ANAPC1: variants seen among roughly 807,000 people sequenced by gnomAD.
The protein encoded by ANAPC1 is anaphase-promoting complex subunit 1.
Under a neutral mutation model 208.0 loss-of-function variants are expected in ANAPC1, and 36 were observed. The ratio of observed to expected loss-of-function variants is 0.17; its 90% CI spans 0.13 to 0.23. ANAPC1 has a LOEUF of 0.23. Ranked by LOEUF, ANAPC1 falls within the 10% of genes least tolerant of loss-of-function variation. ANAPC1 has a pLI of 1.00. For missense variants in ANAPC1, 942 were observed against 2,011.6 expected (o/e 0.47, Z 10.17); for synonymous variants, 378 against 695.2 (o/e 0.54, Z 7.18).
chr2:111,881,096 G>T (rs1165174877), intron 1 of ANAPC1, among the ~76,000 whole-genome samples: 2 of 150,814 alleles, frequency 1.3e-5, no homozygotes, highest in Non-Finnish European at 2.9e-5. Flanking sequence ...AAGTACTTAT[G>T]TCCCGCACCA....
intron 44 of ANAPC1, chr2:111,779,832 A>C (rs1192763408): frequency 8.6e-6 from 2 of 233,432 alleles, no homozygotes; most frequent in African/African-American, 4.7e-5. Context: ...AACAGAAAAA[A>C]CCGACCCTGT....
chr2:111,784,247 A>T (rs1021786835), intron 41 of ANAPC1, 76 bp downstream of exon 41: 117 of 1,613,150 alleles, frequency 7.3e-5, no homozygotes, highest in Non-Finnish European at 9.8e-5. Context: ...TGAGGCTTTT[A>T]TTTAGCTATC....
intron 34 of ANAPC1, among the ~76,000 whole-genome samples, chr2:111,796,633 T>C (rs1452476547): frequency 3.4e-5 from 5 of 148,496 alleles, no homozygotes; most frequent in Non-Finnish European, 5.9e-5. Context: ...ACCCTGTATG[T>C]AAAGCTTTTT....
chr2:111,797,649 T>C (rs1187549698), intron 34 of ANAPC1, among the ~76,000 whole-genome samples: 30 of 152,114 alleles, frequency 2.0e-4, no homozygotes, highest in Admixed American at 2.0e-3. Flanking sequence ...GTATAAACCC[T>C]AGACAAAATA....
intron 42 of ANAPC1, 37 bp from the exon 43 acceptor site, chr2:111,782,544 C>T (rs1677342294): frequency 1.9e-6 from 3 of 1,612,258 alleles, no homozygotes; most frequent in African/African-American, 1.3e-5. Context: ...TAAGGTATTA[C>T]TGGCAGTTCT....
chr2:111,883,707 C>G (rs1683451851), intron 1 of ANAPC1, among the ~76,000 whole-genome samples: 1 of 152,154 alleles, frequency 6.6e-6, no homozygotes, highest in South Asian at 2.1e-4. Flanking sequence ...TGGGATGCTA[C>G]GCACAGCTCA....
At chr2:111,878,539 GC>G (rs1182868306) in intron 3 of ANAPC1, among the ~76,000 whole-genome samples, 1 of 151,904 alleles carries the variant, frequency 6.6e-6, no homozygotes, top group African/African-American at 2.4e-5. Flanking sequence ...GTTTTTGCTG[GC>G]AATAACAAAT....
intron 29 of ANAPC1, among the ~76,000 whole-genome samples, chr2:111,807,784 T>G (rs1161574967): frequency 6.6e-6 from 1 of 151,214 alleles, no homozygotes; most frequent in Non-Finnish European, 1.5e-5. Context: ...ATATACAGTG[T>G]GAAAGAGGTA....
rs568467803 is a variant in ANAPC1 at position 111,859,205 on chromosome 2, G to A, written c.1263-804C>T. Among the ~76,000 whole-genome samples, 6 of 152,190 alleles carry A rather than the reference G, an allele frequency of 3.9e-5. No individual in the cohort carries two copies. The East Asian group carries it at 9.7e-4, about 24-fold the overall frequency. On this transcript the variant is annotated intron_variant, in intron 10 of 47. Transcript: ENST00000341068. Reference sequence around the variant, plus strand: ...TCCTTCTAAAGTGCTACAGAAGGCCGGGTGTGGTGGCTCACGCCTGTAATC... The same window carrying A: ...TCCTTCTAAAGTGCTACAGAAGGCCAGGTGTGGTGGCTCACGCCTGTAATC...
At position 111,864,787 on chromosome 2, in the gene ANAPC1, G is replaced by C; in HGVS notation, c.831+19C>G. On this transcript the variant is annotated intron_variant, in intron 8 of 47. Transcript: ENST00000341068. ...CTACCCTTTCCTATTAAGGAGAAGT[G>C]ACTTGCCTTTCTCCTTACCTCTGAT... 2 of 1,610,210 alleles carry C rather than the reference G, an allele frequency of 1.2e-6. No homozygotes were observed. Among genetic ancestry groups the C allele is most frequent in the Non-Finnish European group, 1.7e-6 (2 of 1,178,970 alleles).
intron 27 of ANAPC1, among the ~76,000 whole-genome samples, chr2:111,818,529 CTT>C (rs1230689007): frequency 1.3e-5 from 2 of 150,912 alleles, no homozygotes; most frequent in African/African-American, 4.9e-5. Context: ...ACATATTAAA[CTT>C]AAGATTATTT....
At chr2:111,851,291 C>A (rs1448272707) in intron 13 of ANAPC1, among the ~76,000 whole-genome samples, 1 of 152,094 alleles carries the variant, frequency 6.6e-6, no homozygotes, top group Non-Finnish European at 1.5e-5. Flanking sequence ...TTGGTAGAGA[C>A]AGGGTTTCAC....
intron 46 of ANAPC1, among the ~76,000 whole-genome samples, chr2:111,775,180 C>T (rs1197272676): frequency 2.6e-5 from 4 of 152,132 alleles, no homozygotes; most frequent in Non-Finnish European, 2.9e-5. Flanking sequence ...GCAGGACACT[C>T]GCTTGAACCC....
intron 13 of ANAPC1, 65 bp downstream of exon 13, chr2:111,856,549 T>C: frequency 7.0e-7 from 1 of 1,433,360 alleles, no homozygotes; most frequent in South Asian, 1.2e-5. Context: ...TAAAGTAACA[T>C]TACAAATATT....
intron 6 of ANAPC1, 51 bp from the exon 7 acceptor site, chr2:111,868,147 A>G (rs1682538452): frequency 7.4e-7 from 1 of 1,346,306 alleles, no homozygotes; most frequent in Non-Finnish European, 1.0e-6. Context: ...ATGTCTGTGC[A>G]CAAATTTTGC....
chr2:111,833,360 C>T (rs1680268472), intron 19 of ANAPC1, 49 bp from the exon 20 acceptor site: 2 of 1,514,158 alleles, frequency 1.3e-6, no homozygotes, highest in African/African-American at 1.4e-5. Flanking sequence ...GCACTTTCTC[C>T]CAACAGAATT....
At chr2:111,831,135 T>G in intron 21 of ANAPC1, 151 bp downstream of exon 21, 1 of 577,696 alleles carries the variant, frequency 1.7e-6, no homozygotes, top group Non-Finnish European at 2.8e-6. Flanking sequence ...GATGTAAATG[T>G]TCTATATCCT....
intron 13 of ANAPC1, among the ~76,000 whole-genome samples, chr2:111,851,145 G>A (rs572369734): frequency 1.3e-4 from 20 of 150,100 alleles, no homozygotes; most frequent in East Asian, 2.0e-4. Context: ...CTCTTTTCCC[G>A]TGGGTGGAGT....
At chr2:111,787,850 A>G (rs1009107557) in intron 39 of ANAPC1, among the ~76,000 whole-genome samples, 4 of 142,328 alleles carry the variant, frequency 2.8e-5, no homozygotes, top group African/African-American at 1.1e-4. Context: ...TCATACAGAC[A>G]TTGCCACTAA....
Sources: allele counts gnomAD v4.1 joint callset (sites outside exome capture counted in the v4.1 genomes callset), GRCh38; gene constraint gnomAD v4.1.1; transcripts MANE v1.5; gene names NCBI Gene and HGNC (gene_info 2026-07-23, HGNC 2026-07-21).